The following SHISA9 variants were observed in gnomAD, a reference collection of about 807,000 sequenced individuals.
SHISA9 encodes the protein shisa family member 9, also known as protein shisa-9.
A neutral mutation model predicts 38.0 loss-of-function variants in SHISA9; 13 were observed. That is an observed-to-expected ratio of 0.34 (90% CI 0.22 to 0.54). SHISA9 has a LOEUF of 0.54. Among genes scored for constraint, SHISA9 ranks in the 20% least tolerant of loss-of-function variants. The pLI is 0.91. For missense variants in SHISA9, 538 were observed against 575.8 expected (o/e 0.93, Z 0.67); for synonymous variants, 275 against 242.0 (o/e 1.14, Z -1.27).
intron 2 of SHISA9, among the ~76,000 whole-genome samples, chr16:13,170,109 A>G (rs932908677): frequency 2.6e-5 from 4 of 151,160 alleles, no homozygotes; most frequent in Middle Eastern, 3.4e-3. Context: ...AGGCTGAGGC[A>G]GGAGAATCGC....
chr16:13,387,184 T>G, the SHISA9 span, among the ~76,000 whole-genome samples: 1 of 152,254 alleles, frequency 6.6e-6, no homozygotes, highest in African/African-American at 2.4e-5. Context: ...TGGGTTGAAC[T>G]GTGGTATCCC....
chr16:13,014,192 A>G (rs2072713648), intron 2 of SHISA9, among the ~76,000 whole-genome samples: 1 of 152,174 alleles, frequency 6.6e-6, no homozygotes, highest in African/African-American at 2.4e-5. Flanking sequence ...TGTGCCCAAG[A>G]CAATACAGTT....
intron 2 of SHISA9, among the ~76,000 whole-genome samples, chr16:13,166,089 A>C (rs939040993): frequency 7.2e-5 from 11 of 152,190 alleles, no homozygotes; most frequent in Admixed American, 7.2e-4. Flanking sequence ...GGCATTTGAT[A>C]GATGGTCTCT....
chr16:13,271,328 G>T, the SHISA9 span, among the ~76,000 whole-genome samples: 1 of 152,218 alleles, frequency 6.6e-6, no homozygotes, highest in South Asian at 2.1e-4. Flanking sequence ...ACAAATAAGT[G>T]TCCTGAGCTC....
intron 2 of SHISA9, among the ~76,000 whole-genome samples, chr16:13,054,919 T>C (rs970730712): frequency 2.6e-5 from 4 of 152,242 alleles, no homozygotes; most frequent in Non-Finnish European, 4.4e-5. Flanking sequence ...AGTCTAACCC[T>C]AGTTTGCTTT....
the SHISA9 span, among the ~76,000 whole-genome samples, chr16:13,270,528 T>C: frequency 6.6e-6 from 1 of 152,114 alleles, no homozygotes; most frequent in Non-Finnish European, 1.5e-5. Flanking sequence ...TTAAAGGAAA[T>C]GTGGAAATCC....
intron 4 of SHISA9, among the ~76,000 whole-genome samples, chr16:13,219,172 C>T (rs141942018): frequency 1.3e-3 from 202 of 152,322 alleles, no homozygotes; most frequent in African/African-American, 4.6e-3. Context: ...GTAGAAAATG[C>T]TCTTGCATCA....
At chr16:12,971,056 C>G (rs749271385) in intron 2 of SHISA9, among the ~76,000 whole-genome samples, 1 of 152,130 alleles carries the variant, frequency 6.6e-6, no homozygotes, top group African/African-American at 2.4e-5. Context: ...GGAGAAGAAC[C>G]AGGAAATCTC....
At chr16:13,284,585 G>T in the SHISA9 span, among the ~76,000 whole-genome samples, 1 of 151,954 alleles carries the variant, frequency 6.6e-6, no homozygotes, top group African/African-American at 2.4e-5. Flanking sequence ...TCTTTATTAT[G>T]CATTTCATTA....
In SHISA9 at chr16:13,071,074, G is replaced by A. The variant is rs372097062; in HGVS notation, c.692-132320G>A. Among the ~76,000 whole-genome samples the A allele has an allele frequency of 1.2e-4, 18 of 152,266 alleles. 2 individuals carry two copies. Among genetic ancestry groups the A allele is most frequent in the African/African-American group, 4.3e-4 (18 of 41,554 alleles). On this transcript the variant is annotated intron_variant, in intron 2 of 4. Coordinates refer to ENST00000558583, the MANE Select transcript of SHISA9 (RefSeq NM_001145204.3). Reference sequence around the variant, plus strand: ...TTCCACCTGCTTGCTTATCATTCAAGAATGACAAGACATTCTAGAAATGGA... The same window carrying A: ...TTCCACCTGCTTGCTTATCATTCAAAAATGACAAGACATTCTAGAAATGGA...
chr16:13,326,875 TTTTA>T, the SHISA9 span, among the ~76,000 whole-genome samples: 6 of 78,924 alleles, frequency 7.6e-5, no homozygotes, highest in African/African-American at 1.2e-4. Flanking sequence ...GAATACCTAC[TTTTA>T]TTTTTTGTTT....
At chr16:13,284,639 C>T in the SHISA9 span, among the ~76,000 whole-genome samples, 2 of 152,038 alleles carry the variant, frequency 1.3e-5, no homozygotes, top group African/African-American at 4.8e-5. Context: ...GCTCTGTCAC[C>T]CAGGCTCGAA....
chr16:13,052,568 A>G (rs1322761819), intron 2 of SHISA9, among the ~76,000 whole-genome samples: 2 of 151,798 alleles, frequency 1.3e-5, no homozygotes, highest in African/African-American at 2.4e-5. Context: ...AACCCAATCT[A>G]TGGCAGAAAT....
intron 1 of SHISA9, chr16:12,910,093 G>A (rs2071161695): frequency 6.6e-6 from 1 of 152,218 alleles, no homozygotes; most frequent in African/African-American, 2.4e-5. Flanking sequence ...TTGACCTCAA[G>A]TGATCCACCT....
At chr16:12,968,941 G>T (rs1424271265) in intron 2 of SHISA9, among the ~76,000 whole-genome samples, 1 of 152,014 alleles carries the variant, frequency 6.6e-6, no homozygotes, top group Non-Finnish European at 1.5e-5. Flanking sequence ...CCGAGGCTGA[G>T]GTCAGGAGTT....
chr16:13,402,810 C>T, the SHISA9 span, among the ~76,000 whole-genome samples: 1 of 152,188 alleles, frequency 6.6e-6, no homozygotes, highest in Non-Finnish European at 1.5e-5. Context: ...CCATCACATT[C>T]CAGAACTGTT....
intron 2 of SHISA9, among the ~76,000 whole-genome samples, chr16:13,020,928 C>T (rs1488799461): frequency 2.6e-5 from 4 of 152,224 alleles, no homozygotes; most frequent in African/African-American, 4.8e-5. Flanking sequence ...TTAGCTGTGA[C>T]CACATAATAT....
chr16:13,081,777 G>T (rs772876306), intron 2 of SHISA9, among the ~76,000 whole-genome samples: 1 of 151,788 alleles, frequency 6.6e-6, no homozygotes, highest in Non-Finnish European at 1.5e-5. Context: ...GCTTGAACCC[G>T]GGAGGCAGAG....
chr16:13,554,297 TAA>T, the SHISA9 span, among the ~76,000 whole-genome samples: 47 of 133,512 alleles, frequency 3.5e-4, no homozygotes, highest in African/African-American at 9.8e-4. Context: ...TGCTAGAGAT[TAA>T]AAAAAAAAAA....
Sources: gnomAD v4.1 joint callset for allele counts (sites outside exome capture counted in the v4.1 genomes callset) on GRCh38, gnomAD v4.1.1 for gene constraint, MANE v1.5 for transcripts, NCBI Gene and HGNC (gene_info 2026-07-23, HGNC 2026-07-21) for gene names.